PRMT3: variants seen among roughly 807,000 people sequenced by gnomAD.
PRMT3 encodes protein arginine methyltransferase 3, also known as protein arginine N-methyltransferase 3.
Under a neutral mutation model 71.9 loss-of-function variants are expected in PRMT3, and 62 were observed. The ratio of observed to expected loss-of-function variants is 0.86; its 90% CI spans 0.70 to 1.07. The LOEUF (loss-of-function observed/expected upper bound fraction) is 1.07. Ranked by LOEUF, PRMT3 falls within the 50% of genes least tolerant of loss-of-function variation. The probability of loss-of-function intolerance (pLI) is 0.00; values close to 1 mark genes in which losing one functional copy is unlikely to be tolerated. For missense variants in PRMT3, 663 were observed against 643.0 expected, an observed-to-expected ratio of 1.03 and a Z score of -0.34; for synonymous variants, 213 against 220.4, an observed-to-expected ratio of 0.97 and a Z score of 0.30.
At chr11:20,430,657 A>G (rs181828335) in intron 10 of PRMT3, among the ~76,000 whole-genome samples, 1 of 152,016 alleles carries the variant, frequency 6.6e-6, no homozygotes, top group Non-Finnish European at 1.5e-5. Context: ...ACACAGTGAG[A>G]TTATTACTGC....
chr11:20,483,654 A>C (rs1354837392), intron 13 of PRMT3, among the ~76,000 whole-genome samples: 1 of 152,152 alleles, frequency 6.6e-6, no homozygotes, highest in Non-Finnish European at 1.5e-5. Flanking sequence ...GAATACAACA[A>C]ATAATCAAAA....
chr11:20,476,608 TTCA>T (rs1850792472), intron 13 of PRMT3, among the ~76,000 whole-genome samples: 2 of 152,218 alleles, frequency 1.3e-5, no homozygotes, highest in Non-Finnish European at 2.9e-5. Context: ...TGGTAGTCAC[TTCA>T]TAAGTTCCTT....
chr11:20,463,089 C>T (rs1050438730), intron 12 of PRMT3, among the ~76,000 whole-genome samples: 13 of 152,168 alleles, frequency 8.5e-5, no homozygotes, highest in African/African-American at 2.9e-4. Context: ...TGGTCTTGAT[C>T]TCCTGACCTC....
At chr11:20,404,232 T>TGTTTTGTTTTGTTTTG (rs750981916) in intron 8 of PRMT3, among the ~76,000 whole-genome samples, 62 of 112,122 alleles carry the variant, frequency 5.5e-4, no homozygotes, top group East Asian at 2.0e-3. Context: ...TTTTTTTTTT[T>TGTTTTGTTTTGTTTTG]TTTTTTTTTT....
chr11:20,420,492 G>A (rs980212407), intron 9 of PRMT3, among the ~76,000 whole-genome samples: 4 of 152,176 alleles, frequency 2.6e-5, no homozygotes, highest in Admixed American at 6.5e-5. Flanking sequence ...GAACATAATC[G>A]TCTGAGCGCC....
Position 20,443,592 on chromosome 11 carries a change from G to A in PRMT3, c.994-8538G>A, listed in dbSNP as rs1211352426. ...ATATTCGTTGAGAGTGGAATATCCAGTTACCATTAATGAATTTTTTTCACC... is the reference window on the plus strand; with the variant it reads ...ATATTCGTTGAGAGTGGAATATCCAATTACCATTAATGAATTTTTTTCACC... On this transcript the variant is annotated intron_variant, in intron 10 of 15. Coordinates refer to ENST00000331079, the MANE Select transcript of PRMT3 (RefSeq NM_005788.4). Among the ~76,000 whole-genome samples the A allele has an allele frequency of 3.9e-5, 6 of 152,160 alleles. No individual in the cohort carries two copies. In the East Asian group the frequency reaches 1.2e-3, roughly 29 times the overall value.
intron 4 of PRMT3, 21 bp downstream of exon 4, chr11:20,392,281 A>G (rs1216241839): frequency 3.9e-6 from 6 of 1,546,520 alleles, no homozygotes; most frequent in Non-Finnish European, 5.3e-6. Context: ...AGCTTAATTT[A>G]TAATTTCGTT....
At chr11:20,419,857 T>C (rs1849387836) in intron 9 of PRMT3, among the ~76,000 whole-genome samples, 1 of 152,138 alleles carries the variant, frequency 6.6e-6, no homozygotes, top group Admixed American at 6.5e-5. Context: ...TGAATGCAAA[T>C]GCAAGAATCC....
At chr11:20,438,485 G>A (rs933034894) in intron 10 of PRMT3, among the ~76,000 whole-genome samples, 19 of 152,052 alleles carry the variant, frequency 1.2e-4, no homozygotes, top group African/African-American at 4.3e-4. Flanking sequence ...TCTGCAACTC[G>A]GACTCGTGGG....
intron 10 of PRMT3, among the ~76,000 whole-genome samples, chr11:20,433,193 A>C (rs1323023848): frequency 6.6e-6 from 1 of 151,228 alleles, no homozygotes; most frequent in East Asian, 1.9e-4. Context: ...TTTTTTACTC[A>C]TCTCCCTTCT....
chr11:20,395,818 A>T lies in PRMT3; in HGVS notation c.416A>T (p.Tyr139Phe), dbSNP rs538655899. The change falls in exon 6 of 16, where the codon TAT (tyrosine) becomes TTT (phenylalanine). Residue 139 changes from tyrosine to phenylalanine, a missense_variant. Coordinates refer to ENST00000331079, the MANE Select transcript of PRMT3 (RefSeq NM_005788.4). Reference sequence around the variant, plus strand: ...ATTTCTTTAGATGTAGAAGATCTTTATGAACCGGTGTCAGTACCCTTCTCA... The same window carrying T: ...ATTTCTTTAGATGTAGAAGATCTTTTTGAACCGGTGTCAGTACCCTTCTCA... ...LLLQFDVEDL[Y>F]EPVSVPFSYP... 1 of 1,611,640 alleles carries T rather than the reference A, an allele frequency of 6.2e-7. No homozygotes were observed. Among genetic ancestry groups the T allele is most frequent in the Non-Finnish European group, 8.5e-7 (1 of 1,179,078 alleles).
intron 10 of PRMT3, among the ~76,000 whole-genome samples, chr11:20,428,531 T>C (rs1590057230): frequency 6.6e-6 from 1 of 152,344 alleles, no homozygotes; most frequent in Non-Finnish European, 1.5e-5. Flanking sequence ...TGATCTAGAA[T>C]TATTAATAGG....
chr11:20,415,665 G>A (rs1849288962), intron 9 of PRMT3, among the ~76,000 whole-genome samples: 1 of 92,542 alleles, frequency 1.1e-5, no homozygotes, highest in Non-Finnish European at 2.5e-5. Flanking sequence ...AGCTGGTCAA[G>A]TAGGCATATT....
intron 13 of PRMT3, among the ~76,000 whole-genome samples, chr11:20,482,753 C>T (rs1423499125): frequency 6.6e-6 from 1 of 151,446 alleles, no homozygotes; most frequent in Non-Finnish European, 1.5e-5. Flanking sequence ...TCCTGAAGTA[C>T]CTAATGTTTA....
intron 9 of PRMT3, among the ~76,000 whole-genome samples, chr11:20,423,798 C>T (rs1193620842): frequency 4.1e-5 from 6 of 147,084 alleles, no homozygotes; most frequent in African/African-American, 5.1e-5. Flanking sequence ...CTCTTGATCC[C>T]GGGAGTTTGA....
intron 15 of PRMT3, among the ~76,000 whole-genome samples, chr11:20,495,751 C>T (rs2133456415): frequency 6.6e-6 from 1 of 152,252 alleles, no homozygotes. Flanking sequence ...CTGCTTACTA[C>T]ATATAAGTCT....
chr11:20,393,052 C>A (rs145969513), intron 5 of PRMT3, 53 bp downstream of exon 5: 13 of 1,133,408 alleles, frequency 1.1e-5, no homozygotes, highest in East Asian at 2.4e-5. Flanking sequence ...CGTTTGTTAA[C>A]GGCAAAATGG....
chr11:20,494,583 C>G (rs936246717), intron 15 of PRMT3, among the ~76,000 whole-genome samples: 2 of 152,178 alleles, frequency 1.3e-5, no homozygotes, highest in Admixed American at 6.5e-5. Flanking sequence ...CCTCGGCCCC[C>G]CCAAAGTGCT....
chr11:20,415,751 T>C (rs1462240353), intron 9 of PRMT3, among the ~76,000 whole-genome samples: 1 of 152,194 alleles, frequency 6.6e-6, no homozygotes, highest in Non-Finnish European at 1.5e-5. Flanking sequence ...ATGTTTACTT[T>C]AAACATATTG....
Sources: allele counts gnomAD v4.1 joint callset (sites outside exome capture counted in the v4.1 genomes callset), GRCh38; gene constraint gnomAD v4.1.1; transcripts MANE v1.5; gene names NCBI Gene and HGNC (gene_info 2026-07-23, HGNC 2026-07-21).